Variants in DAPK2 observed in about 807,000 individuals in gnomAD.
DAPK2 encodes death associated protein kinase 2.
Under a neutral mutation model 44.1 loss-of-function variants are expected in DAPK2, and 35 were observed. The observed-to-expected ratio is 0.79, with a 90% CI of 0.61 to 1.05. DAPK2 has a LOEUF of 1.05. DAPK2 is among the 50% of genes least tolerant of loss of function. DAPK2 has a pLI of 0.00. For missense variants in DAPK2, 453 were observed against 483.2 expected, an observed-to-expected ratio of 0.94 and a Z score of 0.59; for synonymous variants, 174 against 182.6, an observed-to-expected ratio of 0.95 and a Z score of 0.38.
rs552529486 is a variant in DAPK2 at position 63,950,504 on chromosome 15, C to A, written c.454-11143G>T. On this transcript the variant is annotated intron_variant, in intron 3 of 10. Transcript: ENST00000261891. ...AAGTGCTGGGATTACAGCCATGAGC[C>A]ACAGTGCCCAGCCAGAAAGAGAAAA... is the stretch of plus-strand genomic sequence containing the variant. 6.6e-5 allele frequency among the ~76,000 whole-genome samples: 10 copies of A among 152,044 alleles called. No homozygotes were observed. The East Asian group carries it at 1.9e-3, about 29-fold the overall frequency.
chr15:63,924,031 C>T (rs894615583), intron 8 of DAPK2, among the ~76,000 whole-genome samples: 8 of 152,136 alleles, frequency 5.3e-5, no homozygotes, highest in Non-Finnish European at 8.8e-5. Flanking sequence ...TCATTTCATC[C>T]TTGCTGGCCT....
At chr15:63,914,992 G>A (rs747173462) in intron 8 of DAPK2, among the ~76,000 whole-genome samples, 5 of 152,034 alleles carry the variant, frequency 3.3e-5, no homozygotes, top group Non-Finnish European at 5.9e-5. Flanking sequence ...TAGGACTGCC[G>A]CAGATACCAA....
chr15:64,032,870 G>A (rs2080056214), intron 1 of DAPK2, among the ~76,000 whole-genome samples: 1 of 152,072 alleles, frequency 6.6e-6, no homozygotes, highest in South Asian at 2.1e-4. Context: ...TGGATCACCT[G>A]AGGTCAGGAG....
intron 1 of DAPK2, among the ~76,000 whole-genome samples, chr15:64,018,010 A>G (rs1178421975): frequency 2.0e-5 from 3 of 152,228 alleles, no homozygotes; most frequent in African/African-American, 7.2e-5. Context: ...CATTTCTATA[A>G]TGGGTACTGC....
At chr15:63,984,035 T>C (rs1336734144) in intron 1 of DAPK2, among the ~76,000 whole-genome samples, 1 of 152,172 alleles carries the variant, frequency 6.6e-6, no homozygotes, top group East Asian at 1.9e-4. Context: ...TTGATCAGGA[T>C]GACATAGCCT....
chr15:63,991,369 C>G (rs986959433), intron 1 of DAPK2: 3 of 455,600 alleles, frequency 6.6e-6, no homozygotes, highest in South Asian at 4.6e-5. Context: ...CAGAAGAGGG[C>G]ACAGGGCTGC....
upstream of DAPK2, among the ~76,000 whole-genome samples, chr15:64,040,692 C>A (rs1352692172): frequency 6.6e-6 from 1 of 152,026 alleles, no homozygotes; most frequent in Non-Finnish European, 1.5e-5. Context: ...GGGTGGATTA[C>A]TTGAGGTCAG....
intron 1 of DAPK2, among the ~76,000 whole-genome samples, chr15:64,036,271 A>ATGTGTGTGTGTG (rs1297163093): frequency 1.2e-5 from 1 of 85,314 alleles, no homozygotes; most frequent in African/African-American, 3.8e-5. Context: ...AAATATATAT[A>ATGTGTGTGTGTG]TATGTGTGTG....
chr15:63,999,092 G>A (rs530825356), intron 1 of DAPK2, among the ~76,000 whole-genome samples: 90 of 152,292 alleles, frequency 5.9e-4, no homozygotes, highest in African/African-American at 2.1e-3. Flanking sequence ...AACTCAGCTC[G>A]GGAGCATGGC....
intron 1 of DAPK2, among the ~76,000 whole-genome samples, chr15:63,993,372 G>GC (rs2078867238): frequency 6.6e-6 from 1 of 152,164 alleles, no homozygotes; most frequent in Non-Finnish European, 1.5e-5. Flanking sequence ...TTAAACAGGT[G>GC]GCTCTGCAGA....
rs981911045 is a variant in DAPK2 at position 63,913,313 on chromosome 15, C to G, written c.859-1116G>C. On this transcript the variant is annotated intron_variant, in intron 8 of 10. Coordinates refer to ENST00000261891, the Ensembl canonical transcript of DAPK2. ...CACAACCTTGTGAGTATACTAAAAA[C>G]CACTGAACTGTACATTTTAAAATGG... is the stretch of plus-strand genomic sequence containing the variant. 2.6e-5 allele frequency among the ~76,000 whole-genome samples: 4 copies of G among 152,252 alleles called. No individual in the cohort carries two copies. In the South Asian group the frequency reaches 8.3e-4, roughly 32 times the overall value.
Position 63,908,628 on chromosome 15 carries a change from A to G in DAPK2, c.1033-28T>C. 1 of 1,554,384 alleles carries G rather than the reference A, an allele frequency of 6.4e-7. No homozygotes were observed. Among genetic ancestry groups the G allele is most frequent in the Non-Finnish European group, 8.7e-7 (1 of 1,152,548 alleles). On this transcript the variant is annotated intron_variant, in intron 10 of 10. Coordinates refer to ENST00000261891, the Ensembl canonical transcript of DAPK2. This position sits in a 1 kb window ranked among gnomAD's most constrained non-coding sequence, Gnocchi z 5.7. ...GGAGAAAAAAAAGAGAAAGAGGTCC[A>G]GGGCAGGAGGATCATGAGACGCCAG...
chr15:64,031,033 A>G (rs1278967196), intron 1 of DAPK2, among the ~76,000 whole-genome samples: 1 of 151,406 alleles, frequency 6.6e-6, no homozygotes, highest in Admixed American at 6.6e-5. Context: ...GCATAGTATA[A>G]TAGAAACAGT....
intron 1 of DAPK2, among the ~76,000 whole-genome samples, chr15:64,039,043 C>T (rs1357504052): frequency 1.3e-5 from 2 of 152,196 alleles, no homozygotes; most frequent in Non-Finnish European, 2.9e-5. Context: ...TGGAGTTGTC[C>T]CGCCCTTCCA....
chr15:63,954,301 C>T (rs2077665144), intron 3 of DAPK2, among the ~76,000 whole-genome samples: 2 of 152,240 alleles, frequency 1.3e-5, no homozygotes, highest in Admixed American at 6.5e-5. Flanking sequence ...AGATTTAAGT[C>T]TTTAATCCAT....
At chr15:64,010,278 T>C (rs1475091798) in intron 1 of DAPK2, among the ~76,000 whole-genome samples, 1 of 152,180 alleles carries the variant, frequency 6.6e-6, no homozygotes, top group Non-Finnish European at 1.5e-5. Context: ...AGGAATATCC[T>C]GGTATGCCAG....
chr15:63,955,417 G>A (rs533187479), intron 3 of DAPK2, among the ~76,000 whole-genome samples: 15 of 152,232 alleles, frequency 9.9e-5, no homozygotes, highest in African/African-American at 3.4e-4. Context: ...ATGCATCAAT[G>A]TTCATCAAGG....
chr15:63,982,899 A>G (rs1365138366), intron 2 of DAPK2, among the ~76,000 whole-genome samples: 3 of 152,258 alleles, frequency 2.0e-5, no homozygotes, highest in Non-Finnish European at 4.4e-5. Flanking sequence ...CAATGAATAC[A>G]AAATAACCTG....
intron 3 of DAPK2, among the ~76,000 whole-genome samples, chr15:63,961,644 T>G (rs1473076683): frequency 6.6e-6 from 1 of 152,258 alleles, no homozygotes; most frequent in Non-Finnish European, 1.5e-5. Flanking sequence ...GAAAATTCTT[T>G]TCTTTAAGAA....
Sources: gnomAD v4.1 joint callset for allele counts (sites outside exome capture counted in the v4.1 genomes callset) on GRCh38, gnomAD v4.1.1 for gene constraint, Gnocchi (gnomAD v3.1) non-coding constraint, MANE v1.5 for transcripts, NCBI Gene and HGNC (gene_info 2026-07-23, HGNC 2026-07-21) for gene names.